ZNF532: variants seen among roughly 807,000 people sequenced by gnomAD.
ZNF532 encodes the protein zinc finger protein 532.
Under a neutral mutation model 89.3 loss-of-function variants are expected in ZNF532, and 22 were observed. The ratio of observed to expected loss-of-function variants is 0.25; its 90% CI spans 0.18 to 0.35. ZNF532 has a LOEUF of 0.35. Among genes scored for constraint, ZNF532 ranks in the 10% least tolerant of loss-of-function variants. ZNF532 has a pLI of 1.00. For missense variants in ZNF532, 1,132 were observed against 1,643.4 expected (o/e 0.69, Z 5.38); for synonymous variants, 606 against 649.6 (o/e 0.93, Z 1.02).
At chr18:58,980,862 A>G (rs190533313) in intron 8 of ZNF532, 20 of 152,690 alleles carry the variant, frequency 1.3e-4, no homozygotes, top group Admixed American at 1.3e-3. Context: ...GGCTCATCTC[A>G]AACTTCCGAC....
chr18:58,960,542 G>A (rs1001429738), intron 7 of ZNF532, among the ~76,000 whole-genome samples: 3 of 152,230 alleles, frequency 2.0e-5, no homozygotes, highest in Admixed American at 1.3e-4. Context: ...GCTGGTTCCT[G>A]CCTGAGCACT....
intron 2 of ZNF532, among the ~76,000 whole-genome samples, chr18:58,899,305 GT>G (rs888801201): frequency 2.5e-4 from 38 of 152,108 alleles, no homozygotes; most frequent in African/African-American, 9.2e-4. Flanking sequence ...AAGATGATTT[GT>G]TTATCTGAAA....
intron 2 of ZNF532, among the ~76,000 whole-genome samples, chr18:58,877,330 AG>A (rs1457414841): frequency 6.6e-6 from 1 of 152,200 alleles, no homozygotes; most frequent in African/African-American, 2.4e-5. Context: ...GTCCTGGGGA[AG>A]GTTGCCTTGG....
intron 2 of ZNF532, among the ~76,000 whole-genome samples, chr18:58,876,314 C>T (rs563575964): frequency 1.0e-3 from 157 of 152,258 alleles, no homozygotes; most frequent in African/African-American, 3.6e-3. Context: ...TAAGTAGCCT[C>T]CTGGTGCCAT....
chr18:58,914,997 A>G (rs1311274458), intron 2 of ZNF532, among the ~76,000 whole-genome samples: 1 of 152,234 alleles, frequency 6.6e-6, no homozygotes, highest in African/African-American at 2.4e-5. Flanking sequence ...TGAGAAATGA[A>G]GTGGGAGTTA....
At position 58,984,615 on chromosome 18, in the gene ZNF532, A is replaced by G. The variant is rs2068225070; in HGVS notation, c.*149A>G. On this transcript the variant is annotated 3_prime_UTR_variant, in exon 10 of 10. Coordinates refer to ENST00000591808, the MANE Select transcript of ZNF532 (RefSeq NM_001375912.1). ...AATGTACCTTCCTTCACCTCGTCGT[A>G]TATATCCTCGATAAGTATTAAAACA... The G allele has an allele frequency of 4.4e-6, 4 of 911,978 alleles. No homozygotes were observed. Among genetic ancestry groups the G allele is most frequent in the Non-Finnish European group, 6.5e-6 (4 of 614,338 alleles). 56.5% of individuals were successfully genotyped at this position (911,978 alleles called of 1,614,324 possible).
Position 58,919,084 on chromosome 18 carries a change from A to G in ZNF532, c.797A>G (p.Lys266Arg). 1 of 1,614,148 alleles carries G rather than the reference A, an allele frequency of 6.2e-7. No individual in the cohort carries two copies. Among genetic ancestry groups the G allele is most frequent in the Non-Finnish European group, 8.5e-7 (1 of 1,180,022 alleles). The part of the protein sequence containing the change: ...VAPSKTKSSS[K>R]LSSCIAAIAA... The stretch of plus-strand genomic sequence containing the variant: ...CCATCAAAGACAAAGTCGTCCTCCA[A>G]GCTCTCGTCCTGCATCGCTGCCATC... Residue 266 changes from lysine (K) to arginine (R), a missense_variant, in exon 3 of 10, where the codon AAG (lysine) becomes AGG (arginine). Transcript: ENST00000591808. The surrounding 1 kb of genome is among the most constrained non-coding windows in gnomAD (Gnocchi z 6.1).
At chr18:58,910,355 ATGT>A (rs1204460988) in intron 2 of ZNF532, among the ~76,000 whole-genome samples, 1 of 152,130 alleles carries the variant, frequency 6.6e-6, no homozygotes, top group African/African-American at 2.4e-5. Flanking sequence ...CAGTGTAGTC[ATGT>A]TATTCATTTG....
chr18:58,923,324 G>T (rs897326598), intron 3 of ZNF532, among the ~76,000 whole-genome samples: 3 of 150,916 alleles, frequency 2.0e-5, no homozygotes, highest in African/African-American at 7.3e-5. Flanking sequence ...CTTTCTCACT[G>T]GATCTAGAAT....
In ZNF532 at chr18:58,934,708, T is replaced by TA. The variant is rs2062229505; in HGVS notation, c.2528+95dup. Reference sequence around the variant, plus strand: ...TTTGCACACACAGTTTTCTGGGTCATACGGTGATACCTCGATTAACAGATC... The same window carrying TA: ...TTTGCACACACAGTTTTCTGGGTCATAACGGTGATACCTCGATTAACAGATC... On this transcript the variant is annotated intron_variant, in intron 4 of 9. Transcript: ENST00000591808. 7 of 1,224,342 alleles carry TA rather than the reference T, an allele frequency of 5.7e-6. No individual in the cohort carries two copies. The African/African-American group carries it at 7.4e-5, about 13-fold the overall frequency. The allele number at this position is 1,224,342 out of a possible 1,614,324, so 75.8% of individuals were successfully genotyped here.
At chr18:58,908,675 A>G (rs1286168483) in intron 2 of ZNF532, among the ~76,000 whole-genome samples, 1 of 152,246 alleles carries the variant, frequency 6.6e-6, no homozygotes, top group Non-Finnish European at 1.5e-5. Flanking sequence ...TTGCAACAAT[A>G]AAAGTTTCTG....
At chr18:58,885,283 T>C (rs1426350618) in intron 2 of ZNF532, among the ~76,000 whole-genome samples, 1 of 152,122 alleles carries the variant, frequency 6.6e-6, no homozygotes, top group Non-Finnish European at 1.5e-5. Context: ...GCCACAGCGC[T>C]CAGCTGGGTG....
intron 3 of ZNF532, among the ~76,000 whole-genome samples, chr18:58,928,862 A>G (rs1461433428): frequency 6.6e-6 from 1 of 152,224 alleles, no homozygotes; most frequent in African/African-American, 2.4e-5. Flanking sequence ...GAAGTATTTA[A>G]GAGCTGAGGA....
rs140303525 is a variant in ZNF532 at position 58,919,884 on chromosome 18, G to T, written c.1597G>T (p.Gly533Cys). The T allele has an allele frequency of 1.9e-5, 30 of 1,613,936 alleles. No individual in the cohort carries two copies. Among genetic ancestry groups the T allele is most frequent in the Middle Eastern group, 1.7e-4 (1 of 6,056 alleles). ...TGCCAACCTTAACCTTTTGCCTCAGGGTGCCCAGGCCACCTCTGAACTCCG... is the reference window on the plus strand; with the variant it reads ...TGCCAACCTTAACCTTTTGCCTCAGTGTGCCCAGGCCACCTCTGAACTCCG... ...HLANLNLLPQGAQATSELRQV... is the reference protein window; with the variant it reads ...HLANLNLLPQCAQATSELRQV... The change falls in exon 3 of 10, where the codon GGT becomes TGT. Residue 533 changes from glycine (G) to cysteine (C), a missense_variant. This residue lies in a region of ZNF532 where 97 missense variants were observed against 143.7 expected (regional missense o/e 0.68). Coordinates refer to ENST00000591808, the MANE Select transcript of ZNF532 (RefSeq NM_001375912.1). This position sits in a 1 kb window ranked among gnomAD's most constrained non-coding sequence, Gnocchi z 6.1.
At chr18:58,965,143 T>A (rs1385858468) in intron 7 of ZNF532, among the ~76,000 whole-genome samples, 1 of 152,166 alleles carries the variant, frequency 6.6e-6, no homozygotes, top group Non-Finnish European at 1.5e-5. Context: ...AATGTAAGGC[T>A]ATAAATGTGT....
At chr18:58,930,006 T>A (rs889486908) in intron 3 of ZNF532, among the ~76,000 whole-genome samples, 7 of 152,230 alleles carry the variant, frequency 4.6e-5, no homozygotes, top group African/African-American at 1.7e-4. Context: ...AAGCTGGTAT[T>A]GTTTCTGCCT....
chr18:58,979,370 G>A (rs1388353593), intron 8 of ZNF532: 2 of 374,674 alleles, frequency 5.3e-6, no homozygotes, highest in East Asian at 7.9e-5. Flanking sequence ...GCATTTTCTT[G>A]CATATCCCAC....
At chr18:58,940,943 C>CACACACACACACACACACACACACAT (rs2062939203) in intron 5 of ZNF532, among the ~76,000 whole-genome samples, 1 of 141,248 alleles carries the variant, frequency 7.1e-6, no homozygotes, top group African/African-American at 2.5e-5. Context: ...CACACACACA[C>CACACACACACACACACACACACACAT]ACACACACAC....
intron 5 of ZNF532, chr18:58,939,840 C>A: frequency 2.7e-6 from 1 of 375,384 alleles, no homozygotes; most frequent in Non-Finnish European, 4.7e-6. Flanking sequence ...TATTTATGCT[C>A]TTGTCACGAA....
Sources: gnomAD v4.1 joint callset for allele counts (sites outside exome capture counted in the v4.1 genomes callset) on GRCh38, gnomAD v4.1.1 for gene constraint, gnomAD v4.1.1 regional missense constraint, Gnocchi (gnomAD v3.1) non-coding constraint, MANE v1.5 for transcripts, NCBI Gene and HGNC (gene_info 2026-07-23, HGNC 2026-07-21) for gene names.